The following WFDC11 variants were observed in gnomAD, a reference collection of about 807,000 sequenced individuals.
WFDC11 encodes the protein WAP four-disulfide core domain 11.
WFDC11 carries 9 observed loss-of-function variants against 9.9 expected under a neutral mutation model. That is an observed-to-expected ratio of 0.91 (90% confidence interval 0.55 to 1.58). The LOEUF (loss-of-function observed/expected upper bound fraction) is 1.58. Ranked by LOEUF, WFDC11 falls within the 40% of genes most tolerant of loss-of-function variation. The pLI, the probability that WFDC11 is intolerant of heterozygous loss-of-function variation, is 0.00. For missense variants in WFDC11, 106 were observed against 101.7 expected (o/e 1.04, Z -0.18); for synonymous variants, 32 against 33.3 (o/e 0.96, Z 0.13).
intron 2 of WFDC11, among the ~76,000 whole-genome samples, chr20:45,652,589 CTT>C (rs1157540748): frequency 8.5e-5 from 13 of 152,270 alleles, no homozygotes; most frequent in African/African-American, 2.9e-4. Flanking sequence ...TGGAGAATGA[CTT>C]TGATGAGTTG....
chr20:45,652,946 C>T (rs1400511373), intron 2 of WFDC11, among the ~76,000 whole-genome samples: 1 of 152,228 alleles, frequency 6.6e-6, no homozygotes, highest in Admixed American at 6.5e-5. Context: ...AAGACCAAAT[C>T]TTCGTCTGAT....
chr20:45,650,500 C>T lies in WFDC11; in HGVS notation c.100+1G>A, dbSNP rs1245108719. On this transcript the variant is annotated splice_donor_variant, in intron 3 of 4. Coordinates refer to ENST00000324384, the MANE Select transcript of WFDC11 (RefSeq NM_147197.2). LOFTEE classifies it high-confidence loss of function. ...GCCCCTAATCCAGCCTCACCACCTA[C>T]TGTCATATCTTTTCTTCCTCATTTC... 1 of 1,613,546 alleles carries T rather than the reference C, an allele frequency of 6.2e-7. No homozygotes were observed.
intron 2 of WFDC11, 112 bp from the exon 3 acceptor site, chr20:45,650,763 C>A: frequency 1.7e-6 from 1 of 594,218 alleles, no homozygotes. Context: ...CTCTGCCTAC[C>A]CAACAACTGG....
Position 45,660,894 on chromosome 20 carries a change from T to C in WFDC11, c.-52+6194A>G, listed in dbSNP as rs546385016. Among the ~76,000 whole-genome samples, 837 of 152,344 alleles carry C rather than the reference T, an allele frequency of 5.5e-3. 6 individuals carry two copies. The highest frequency in any genetic ancestry group is 0.019 in the African/African-American group (803 of 41,574). ...ATAAACATACGTGTGCATGTGTCTT[T>C]ATAGCAGCATGACTTATATTCCTTT... On this transcript the variant is annotated intron_variant, in intron 2 of 4. Transcript: ENST00000324384.
intron 1 of WFDC11, 56 bp downstream of exon 1, chr20:45,670,122 T>C (rs1983267012): frequency 1.3e-5 from 2 of 151,278 alleles, no homozygotes; most frequent in African/African-American, 2.4e-5. Context: ...CAGGATGAAA[T>C]TGAACAGACC....
At chr20:45,654,024 A>C (rs1413194818) in intron 2 of WFDC11, among the ~76,000 whole-genome samples, 2 of 152,196 alleles carry the variant, frequency 1.3e-5, no homozygotes, top group Admixed American at 6.5e-5. Flanking sequence ...CAGACCAACA[A>C]GACAGAAAGT....
chr20:45,666,230 A>G (rs964239082), intron 2 of WFDC11, among the ~76,000 whole-genome samples: 1 of 152,244 alleles, frequency 6.6e-6, no homozygotes. Context: ...CCGCCAAGCC[A>G]GGCCCGGGAG....
intron 4 of WFDC11, 106 bp downstream of exon 4, chr20:45,649,151 A>C: frequency 7.4e-7 from 1 of 1,345,560 alleles, no homozygotes; most frequent in Non-Finnish European, 1.0e-6. Context: ...TTATTTTTGT[A>C]CCTAGAATTT....
Position 45,659,967 on chromosome 20 carries a change from G to A in WFDC11, c.-52+7121C>T, listed in dbSNP as rs373552086. ...TTTCCCAGCACCATTTATTAAATAG[G>A]GAATGCTTTCCCTATTGCTTGCTTT... On this transcript the variant is annotated intron_variant, in intron 2 of 4. Coordinates refer to ENST00000324384, the MANE Select transcript of WFDC11 (RefSeq NM_147197.2). 2.3e-4 allele frequency among the ~76,000 whole-genome samples: 35 copies of A among 152,186 alleles called. No individual in the cohort carries two copies. In the East Asian group the frequency reaches 6.5e-3, roughly 28 times the overall value.
chr20:45,651,314 C>A (rs2145615461), intron 2 of WFDC11, among the ~76,000 whole-genome samples: 1 of 152,250 alleles, frequency 6.6e-6, no homozygotes, highest in East Asian at 1.9e-4. Context: ...TATGATGGTG[C>A]AAAAGGCAAT....
At chr20:45,660,175 A>G (rs1483739327) in intron 2 of WFDC11, among the ~76,000 whole-genome samples, 3 of 152,098 alleles carry the variant, frequency 2.0e-5, no homozygotes, top group African/African-American at 7.2e-5. Flanking sequence ...TCCTGTTAGC[A>G]CTGCCTTTGC....
intron 1 of WFDC11, among the ~76,000 whole-genome samples, 178 bp downstream of exon 1, chr20:45,670,000 A>G (rs1305618854): frequency 1.3e-5 from 2 of 152,156 alleles, no homozygotes; most frequent in Admixed American, 6.5e-5. Flanking sequence ...CTGACCCCAT[A>G]AAAATACAAA....
chr20:45,660,315 T>A (rs2145620881), intron 2 of WFDC11, among the ~76,000 whole-genome samples: 1 of 152,324 alleles, frequency 6.6e-6, no homozygotes, highest in Non-Finnish European at 1.5e-5. Context: ...TCCATATATT[T>A]GCATGGTTTT....
At chr20:45,661,467 G>A (rs1049116244) in intron 2 of WFDC11, among the ~76,000 whole-genome samples, 1 of 151,910 alleles carries the variant, frequency 6.6e-6, no homozygotes, top group African/African-American at 2.4e-5. Flanking sequence ...ATTGCTTTTG[G>A]CGTTTTAGAC....
chr20:45,665,907 G>C, intron 2 of WFDC11, among the ~76,000 whole-genome samples: 1 of 152,222 alleles, frequency 6.6e-6, no homozygotes, highest in East Asian at 1.9e-4. Context: ...TAGTCTGTCT[G>C]TTCTCAGAGC....
intron 2 of WFDC11, among the ~76,000 whole-genome samples, chr20:45,654,267 A>G (rs181559885): frequency 8.5e-5 from 13 of 152,380 alleles, no homozygotes; most frequent in Admixed American, 8.5e-4. Context: ...AGAACTCAGG[A>G]TTAAGAAACT....
At chr20:45,653,648 G>A (rs1982858884) in intron 2 of WFDC11, among the ~76,000 whole-genome samples, 1 of 152,154 alleles carries the variant, frequency 6.6e-6, no homozygotes, top group African/African-American at 2.4e-5. Flanking sequence ...ATTGGATAAA[G>A]AGTCAAGACC....
chr20:45,649,389 C>G lies in WFDC11; in HGVS notation c.111G>C (p.Leu37Phe). Residue 37 changes from leucine to phenylalanine, a missense_variant, in exon 4 of 5, where the codon TTG (leucine) becomes TTC (phenylalanine). Transcript: ENST00000324384. Reference protein sequence around the residue: ...MRKKRYDRKELLLEECWGKPN... With the variant: ...MRKKRYDRKEFLLEECWGKPN... ...GCTTTCCCCAGCATTCTTCAAGTAA[C>G]AATTCCTTCCCTGAAATTGAGATGA... 6.2e-7 allele frequency: 1 copy of G among 1,613,892 alleles called. No individual in the cohort carries two copies. The highest frequency in any genetic ancestry group is 8.5e-7 in the Non-Finnish European group (1 of 1,179,998).
chr20:45,669,636 G>C (rs1417477365), intron 1 of WFDC11, among the ~76,000 whole-genome samples: 1 of 152,052 alleles, frequency 6.6e-6, no homozygotes, highest in Non-Finnish European at 1.5e-5. Flanking sequence ...TAAGAACAAA[G>C]ATACAACATA....
Sources: allele counts gnomAD v4.1 joint callset (sites outside exome capture counted in the v4.1 genomes callset), GRCh38; gene constraint gnomAD v4.1.1; transcripts MANE v1.5; gene names NCBI Gene and HGNC (gene_info 2026-07-23, HGNC 2026-07-21).